FGF12: variants seen among roughly 807,000 people sequenced by gnomAD.
The protein encoded by FGF12 is fibroblast growth factor 12, also known as fibroblast growth factor 12B.
A neutral mutation model predicts 23.6 loss-of-function variants in FGF12; 14 were observed. That is an observed-to-expected ratio of 0.59 (90% CI 0.39 to 0.93). FGF12 has a LOEUF of 0.93. Ranked by LOEUF, FGF12 falls within the 40% of genes least tolerant of loss-of-function variation. The pLI is 0.00. For synonymous variants in FGF12, 62 were observed against 77.3 expected (o/e 0.80, Z 1.04); for missense variants, 175 against 217.8 (o/e 0.80, Z 1.24).
At chr3:192,232,557 C>T (rs1430457070) in intron 4 of FGF12, among the ~76,000 whole-genome samples, 2 of 116,924 alleles carry the variant, frequency 1.7e-5, no homozygotes, top group African/African-American at 3.6e-5. Flanking sequence ...TTCTTTTCCA[C>T]TTTCTTTTAG....
At chr3:192,163,828 A>AGTGTGTGTGTGTGTGTGTGTGTGT (rs35349561) in intron 5 of FGF12, among the ~76,000 whole-genome samples, 2 of 149,370 alleles carry the variant, frequency 1.3e-5, no homozygotes, top group South Asian at 2.1e-4. Context: ...AGTGTGTGTG[A>AGTGTGTGTGTGTGTGTGTGTGTGT]GTGTGTGTGT....
intron 2 of FGF12, among the ~76,000 whole-genome samples, chr3:192,557,169 C>CA (rs1711818975): frequency 6.6e-6 from 1 of 150,882 alleles, no homozygotes; most frequent in Admixed American, 6.6e-5. Context: ...CAAATTAAGC[C>CA]CAAAGTCACC....
intron 2 of FGF12, among the ~76,000 whole-genome samples, chr3:192,546,875 C>T (rs866720204): frequency 4.1e-4 from 63 of 152,198 alleles, no homozygotes; most frequent in African/African-American, 1.5e-3. Context: ...CACAGCAAAA[C>T]CCCATCTCTA....
chr3:192,505,228 T>C (rs1414793874), intron 2 of FGF12, among the ~76,000 whole-genome samples: 1 of 152,170 alleles, frequency 6.6e-6, no homozygotes, highest in Non-Finnish European at 1.5e-5. Context: ...ACACCCTTAC[T>C]TATATTTAAA....
chr3:192,567,474 A>T (rs977540690), intron 2 of FGF12, among the ~76,000 whole-genome samples: 1 of 152,156 alleles, frequency 6.6e-6, no homozygotes, highest in African/African-American at 2.4e-5. Context: ...CTGGGGGGAA[A>T]AGCATGTATC....
intron 2 of FGF12, among the ~76,000 whole-genome samples, chr3:192,690,586 C>CAAAAAAAAAA (rs35837229): frequency 1.1e-5 from 1 of 92,116 alleles, no homozygotes; most frequent in African/African-American, 4.0e-5. Flanking sequence ...CACAACACTA[C>CAAAAAAAAAA]AAAAAAAAAA....
At chr3:192,186,494 A>G (rs1577215233) in intron 4 of FGF12, among the ~76,000 whole-genome samples, 2 of 152,234 alleles carry the variant, frequency 1.3e-5, no homozygotes, top group East Asian at 1.9e-4. Flanking sequence ...CTTCCTTTCT[A>G]TAGACTCATT....
chr3:192,470,646 C>T (rs1723145099), intron 2 of FGF12, among the ~76,000 whole-genome samples: 1 of 152,222 alleles, frequency 6.6e-6, no homozygotes, highest in Admixed American at 6.5e-5. Context: ...GCCTCGGCCT[C>T]CTGAAGTGCT....
chr3:192,452,692 C>T (rs1182183614), intron 2 of FGF12, among the ~76,000 whole-genome samples: 2 of 152,180 alleles, frequency 1.3e-5, no homozygotes, highest in African/African-American at 4.8e-5. Context: ...CAGTGCACAG[C>T]CTATGTGGCT....
At chr3:192,512,720 T>C (rs1560135213) in intron 2 of FGF12, among the ~76,000 whole-genome samples, 1 of 150,962 alleles carries the variant, frequency 6.6e-6, no homozygotes, top group South Asian at 2.1e-4. Flanking sequence ...ACTTCACTAC[T>C]TGGAACTAAA....
chr3:192,353,353 T>A (rs1718310776), intron 3 of FGF12, among the ~76,000 whole-genome samples: 1 of 148,530 alleles, frequency 6.7e-6, no homozygotes, highest in African/African-American at 2.5e-5. Context: ...GAAAGATACA[T>A]GGGAGCAGAA....
At chr3:192,220,945 A>G (rs776182990) in intron 4 of FGF12, among the ~76,000 whole-genome samples, 2 of 152,202 alleles carry the variant, frequency 1.3e-5, no homozygotes, top group Non-Finnish European at 2.9e-5. Context: ...TGAGACACAA[A>G]TAAATCCTCC....
intron 2 of FGF12, among the ~76,000 whole-genome samples, chr3:192,540,714 G>A (rs1725343881): frequency 6.6e-6 from 1 of 151,916 alleles, no homozygotes; most frequent in African/African-American, 2.4e-5. Flanking sequence ...AGGATGATGT[G>A]TCGATGATGA....
intron 2 of FGF12, among the ~76,000 whole-genome samples, chr3:192,644,865 T>C (rs1715943607): frequency 6.6e-6 from 1 of 152,140 alleles, no homozygotes; most frequent in Non-Finnish European, 1.5e-5. Context: ...AGTACAGGTG[T>C]CGTTGAGCAT....
chr3:192,688,907 C>T (rs1479431538), intron 2 of FGF12, among the ~76,000 whole-genome samples: 3 of 152,012 alleles, frequency 2.0e-5, no homozygotes, highest in African/African-American at 7.3e-5. Flanking sequence ...ACTATCTAGC[C>T]ATAAAAAAAT....
At chr3:192,241,720 A>G (rs1249278934) in intron 4 of FGF12, among the ~76,000 whole-genome samples, 1 of 152,182 alleles carries the variant, frequency 6.6e-6, no homozygotes, top group Non-Finnish European at 1.5e-5. Context: ...CATCTCCCCT[A>G]TTGATAGTTC....
At chr3:192,692,282 C>T (rs1038611111) in intron 2 of FGF12, among the ~76,000 whole-genome samples, 1 of 152,080 alleles carries the variant, frequency 6.6e-6, no homozygotes, top group African/African-American at 2.4e-5. Context: ...ACTAGTAAAC[C>T]AAGTTTTACA....
rs553845017 is a variant in FGF12, at chr3:192,206,685, T to G, written c.229-36029A>C. ...CTTTTTCAAAAAAGAAAAAATATAT[T>G]TTCGACAAGATAGGGTGGATGATGG... On this transcript the variant is annotated intron_variant, in intron 4 of 5. Coordinates refer to ENST00000445105, the MANE Select transcript of FGF12 (RefSeq NM_004113.6). 3.3e-5 allele frequency among the ~76,000 whole-genome samples: 5 copies of G among 152,306 alleles called. 1 individual carries two copies. The highest frequency in any genetic ancestry group is 1.3e-4 in the Admixed American group (2 of 15,294).
In FGF12 at chr3:192,184,209, G is replaced by A. The variant is rs974006326; in HGVS notation, c.229-13553C>T. 3.3e-5 allele frequency among the ~76,000 whole-genome samples: 5 copies of A among 152,124 alleles called. No individual in the cohort carries two copies. The South Asian group carries it at 6.2e-4, about 19-fold the overall frequency. On this transcript the variant is annotated intron_variant, in intron 4 of 5. Coordinates refer to ENST00000445105, the MANE Select transcript of FGF12 (RefSeq NM_004113.6). ...ACTGTATGCCAGCCTGAGCAACAGA[G>A]ACCCTGTCCCCCAAAAATAAAATAA...
Sources: gnomAD v4.1 joint callset for allele counts (sites outside exome capture counted in the v4.1 genomes callset) on GRCh38, gnomAD v4.1.1 for gene constraint, MANE v1.5 for transcripts, NCBI Gene and HGNC (gene_info 2026-07-23, HGNC 2026-07-21) for gene names.